The following THRAP3 variants were observed in gnomAD, a reference collection of about 807,000 sequenced individuals.
THRAP3 encodes the protein thyroid hormone receptor-associated protein 3.
A neutral mutation model predicts 101.0 loss-of-function variants in THRAP3; 16 were observed. The ratio of observed to expected loss-of-function variants is 0.16; its 90% confidence interval spans 0.11 to 0.24. The LOEUF is 0.24. Ranked by LOEUF, THRAP3 falls within the 10% of genes least tolerant of loss-of-function variation. The probability of loss-of-function intolerance (pLI) is 1.00; values close to 1 mark genes in which losing one functional copy is unlikely to be tolerated. For synonymous variants in THRAP3, 407 were observed against 422.6 expected (o/e 0.96, Z 0.45); for missense variants, 989 against 1,202.7 (o/e 0.82, Z 2.63).
intron 1 of THRAP3, among the ~76,000 whole-genome samples, chr1:36,227,151 A>G (rs1005578372): frequency 9.9e-5 from 15 of 152,090 alleles, no homozygotes; most frequent in African/African-American, 3.6e-4. Flanking sequence ...TGTGTTTGAC[A>G]CTTTGGAGAG....
At chr1:36,246,863 A>C (rs1179136564) in intron 1 of THRAP3, among the ~76,000 whole-genome samples, 1 of 151,386 alleles carries the variant, frequency 6.6e-6, no homozygotes, top group Non-Finnish European at 1.5e-5. Flanking sequence ...TAAATAAATA[A>C]ATAAAATTAC....
intron 1 of THRAP3, among the ~76,000 whole-genome samples, chr1:36,239,652 C>G (rs1326798169): frequency 6.6e-6 from 1 of 152,146 alleles, no homozygotes; most frequent in Non-Finnish European, 1.5e-5. Context: ...CAAGTGTATT[C>G]TAGCAGGGAT....
chr1:36,280,653 G>C (rs1177985112), intron 2 of THRAP3, among the ~76,000 whole-genome samples: 1 of 152,194 alleles, frequency 6.6e-6, no homozygotes, highest in Admixed American at 6.5e-5. Flanking sequence ...TTTGGGCCTG[G>C]TTTGGCTATT....
chr1:36,223,414 G>A (rs1644919332), upstream of THRAP3, among the ~76,000 whole-genome samples: 1 of 152,092 alleles, frequency 6.6e-6, no homozygotes, highest in African/African-American at 2.4e-5. Flanking sequence ...AACTGATCTC[G>A]GCTCTCAAAG....
At chr1:36,231,087 G>C (rs1458783049) in intron 1 of THRAP3, among the ~76,000 whole-genome samples, 3 of 151,866 alleles carry the variant, frequency 2.0e-5, no homozygotes, top group Non-Finnish European at 2.9e-5. Context: ...ACCTGTTCTG[G>C]ATATATCATA....
At chr1:36,279,713 T>C (rs1645707490) in intron 2 of THRAP3, among the ~76,000 whole-genome samples, 1 of 152,208 alleles carries the variant, frequency 6.6e-6, no homozygotes, top group Non-Finnish European at 1.5e-5. Flanking sequence ...TCCTCTAAAT[T>C]ATGTCTCTAA....
intron 1 of THRAP3, among the ~76,000 whole-genome samples, chr1:36,227,874 A>G (rs2124328416): frequency 1.3e-5 from 2 of 151,944 alleles, no homozygotes; most frequent in South Asian, 4.2e-4. Context: ...TCTGCATGGC[A>G]GGACACTCTT....
At chr1:36,256,726 A>G (rs936847674) in intron 1 of THRAP3, among the ~76,000 whole-genome samples, 3 of 152,184 alleles carry the variant, frequency 2.0e-5, no homozygotes, top group Non-Finnish European at 4.4e-5. Context: ...TTTGATTGCA[A>G]GGCCCTGTCC....
At chr1:36,267,192 G>A (rs1645526538) in intron 2 of THRAP3, among the ~76,000 whole-genome samples, 1 of 152,048 alleles carries the variant, frequency 6.6e-6, no homozygotes, top group Admixed American at 6.6e-5. Context: ...CCTATAATAA[G>A]AATCTTAAAT....
rs1471939572 is a variant in THRAP3 at position 36,289,215 on chromosome 1, C to G, written c.1196C>G (p.Ser399Cys). The change falls in exon 5 of 12, where the codon TCT becomes TGT. Residue 399 changes from serine (S) to cysteine (C), a missense_variant. Physicochemically the swap from Ser to Cys is moderately radical, Grantham distance 112. Transcript: ENST00000354618. ...GATTCTTTTGCTCCCAAAACTGATT[C>G]TGAGAAGCCTTTTCGGGGCAGTCAG... ...KSDSFAPKTD[S>C]EKPFRGSQSP... is the part of the protein sequence containing the mutation. 32 of 1,614,008 alleles carry G rather than the reference C, an allele frequency of 2.0e-5. No individual in the cohort carries two copies. The highest frequency in any genetic ancestry group is 2.5e-5 in the Non-Finnish European group (30 of 1,180,042).
intron 2 of THRAP3, among the ~76,000 whole-genome samples, chr1:36,260,204 T>C (rs1287486249): frequency 6.6e-6 from 1 of 152,198 alleles, no homozygotes; most frequent in Non-Finnish European, 1.5e-5. Context: ...ATCTTGCCAC[T>C]GCCCTCCAGC....
At chr1:36,280,587 G>A (rs1035449316) in intron 2 of THRAP3, among the ~76,000 whole-genome samples, 5 of 152,320 alleles carry the variant, frequency 3.3e-5, no homozygotes, top group Admixed American at 3.3e-4. Flanking sequence ...ACAAGAGGCA[G>A]CATTACTTGG....
At chr1:36,263,490 A>G (rs1049809864) in intron 2 of THRAP3, among the ~76,000 whole-genome samples, 10 of 152,176 alleles carry the variant, frequency 6.6e-5, no homozygotes, top group Non-Finnish European at 1.3e-4. Flanking sequence ...CTGGAAGGAA[A>G]CCACAGGTCG....
upstream of THRAP3, among the ~76,000 whole-genome samples, chr1:36,221,687 G>A (rs565264730): frequency 1.3e-5 from 2 of 152,308 alleles, no homozygotes; most frequent in African/African-American, 4.8e-5. Context: ...GGGTTCAAGC[G>A]ATTCTCGTGC....
Position 36,301,074 on chromosome 1 carries a change from G to C in THRAP3, c.2492G>C (p.Arg831Pro). The stretch of plus-strand genomic sequence containing the variant: ...AGTGAAAGAGGAGGTGGCAGAGCTC[G>C]AGGAACCTTTGTAAGACCTTCCCCT... ...GPSERGGGRA[R>P]GTFQFRARGR... The change falls in exon 10 of 12, where the codon CGA becomes CCA. Residue 831 changes from arginine to proline, a missense_variant. Arg to Pro is a moderately radical substitution (Grantham distance 103). Coordinates refer to ENST00000354618, the MANE Select transcript of THRAP3 (RefSeq NM_005119.4). 1 of 1,614,064 alleles carries C rather than the reference G, an allele frequency of 6.2e-7. No homozygotes were observed. The highest frequency in any genetic ancestry group is 8.5e-7 in the Non-Finnish European group (1 of 1,179,952).
chr1:36,301,814 C>T, intron 11 of THRAP3, 118 bp downstream of exon 11: 3 of 1,275,210 alleles, frequency 2.4e-6, no homozygotes, highest in Non-Finnish European at 3.2e-6. Flanking sequence ...AGGATTATTG[C>T]ACTGGGGCAT....
At chr1:36,292,878 A>G (rs1645894640) in intron 7 of THRAP3, among the ~76,000 whole-genome samples, 169 bp downstream of exon 7, 1 of 152,152 alleles carries the variant, frequency 6.6e-6, no homozygotes, top group African/African-American at 2.4e-5. Flanking sequence ...TGTACAGGAC[A>G]TGCTTTGGGA....
At chr1:36,280,877 T>A (rs1645722422) in intron 2 of THRAP3, among the ~76,000 whole-genome samples, 1 of 152,070 alleles carries the variant, frequency 6.6e-6, no homozygotes. Context: ...AAAGACTATT[T>A]GTTTCTTGGT....
At chr1:36,223,753 C>G (rs1644923399), upstream of THRAP3, among the ~76,000 whole-genome samples, 1 of 152,092 alleles carries the variant, frequency 6.6e-6, no homozygotes, top group South Asian at 2.1e-4. Context: ...CTTCCCAGGA[C>G]GACAGTCAGA....
Sources: gnomAD v4.1 joint callset for allele counts (sites outside exome capture counted in the v4.1 genomes callset) on GRCh38, gnomAD v4.1.1 for gene constraint, MANE v1.5 for transcripts, NCBI Gene and HGNC (gene_info 2026-07-23, HGNC 2026-07-21) for gene names.